The following PPA2 variants were observed in gnomAD, a reference collection of about 807,000 sequenced individuals.
PPA2 encodes the protein inorganic pyrophosphatase 2, mitochondrial.
A neutral mutation model predicts 49.5 loss-of-function variants in PPA2; 48 were observed. That is an observed-to-expected ratio of 0.97 (90% CI 0.77 to 1.23). The LOEUF is 1.23. Ranked by LOEUF, PPA2 falls within the 50% of genes most tolerant of loss-of-function variation. PPA2 has a pLI of 0.00. For synonymous variants in PPA2, 131 were observed against 139.9 expected, an observed-to-expected ratio of 0.94 and a Z score of 0.45; for missense variants, 429 against 410.1, an observed-to-expected ratio of 1.05 and a Z score of -0.40.
At chr4:105,389,368 C>A (rs1267019303) in intron 9 of PPA2, among the ~76,000 whole-genome samples, 2 of 150,030 alleles carry the variant, frequency 1.3e-5, no homozygotes, top group African/African-American at 4.9e-5. Context: ...ACTATTACTA[C>A]GACCTGCCAG....
rs575896250 is a variant in PPA2, at chr4:105,450,601, C to CTTTTTTTTTTTTTTTTT, written c.268-1215_268-1199dup. On this transcript the variant is annotated intron_variant, in intron 3 of 11. Transcript: ENST00000341695. ...ATGCTGGCCAGGCTGGTCTGGAATT[C>CTTTTTTTTTTTTTTTTT]TTTTTTTTTTTTTTTTTTTTTTTTG... 1.4e-3 allele frequency among the ~76,000 whole-genome samples: 115 copies of CTTTTTTTTTTTTTTTTT among 82,658 alleles called. 19 individuals carry two copies. The highest frequency in any genetic ancestry group is 1.9e-3 in the Non-Finnish European group (83 of 43,406). The allele number at this position is 82,658 out of a possible 152,430, so 54.2% of individuals were successfully genotyped here. A position where few individuals can be genotyped will look rare whatever the true frequency, so the allele number is the denominator to read the frequency against.
At chr4:105,372,078 T>C (rs1733049182) in intron 10 of PPA2, among the ~76,000 whole-genome samples, 2 of 152,160 alleles carry the variant, frequency 1.3e-5, no homozygotes, top group Admixed American at 6.5e-5. Context: ...AGCGTGGACC[T>C]GGGGAGATGT....
chr4:105,387,213 T>C (rs534396032), intron 9 of PPA2, among the ~76,000 whole-genome samples: 1 of 152,210 alleles, frequency 6.6e-6, no homozygotes, highest in Admixed American at 6.5e-5. Context: ...TCTAAAAGCA[T>C]GCTACTCATT....
intron 9 of PPA2, among the ~76,000 whole-genome samples, chr4:105,387,364 A>C (rs1733723957): frequency 6.6e-6 from 1 of 152,194 alleles, no homozygotes. Flanking sequence ...AAGCCAAATT[A>C]ACTTTTTTAA....
At chr4:105,423,365 T>C (rs1314926785) in intron 7 of PPA2, 1 of 152,154 alleles carries the variant, frequency 6.6e-6, no homozygotes, top group African/African-American at 2.4e-5. Flanking sequence ...AATCGAGGTT[T>C]ACAAGTAAAG....
intron 1 of PPA2, among the ~76,000 whole-genome samples, chr4:105,458,818 CAAAAAA>C (rs57073135): frequency 1.6e-4 from 5 of 31,512 alleles, no homozygotes; most frequent in South Asian, 1.4e-3. Context: ...ACTCCACCTC[CAAAAAA>C]AAAAAAAAAA....
intron 7 of PPA2, among the ~76,000 whole-genome samples, chr4:105,420,139 A>C (rs1355179225): frequency 6.6e-6 from 1 of 152,032 alleles, no homozygotes. Context: ...CACCCAGCTA[A>C]TTTTGTATTT....
intron 3 of PPA2, among the ~76,000 whole-genome samples, chr4:105,452,589 G>A (rs182478752): frequency 6.6e-6 from 1 of 152,296 alleles, no homozygotes; most frequent in African/African-American, 2.4e-5. Context: ...ACAGATAGCA[G>A]GCAAAGGTTG....
chr4:105,396,248 C>T lies in PPA2; in HGVS notation c.869+1G>A, dbSNP rs1295033479. On this transcript the variant is annotated splice_donor_variant, in intron 9 of 11. Coordinates refer to ENST00000341695, the MANE Select transcript of PPA2 (RefSeq NM_176869.3). LOFTEE classifies it high-confidence loss of function. ...CTTACATAGAAAAGACAAATTCTTA[C>T]CAATTTATAGCTCCTCCATTACACT... is the stretch of plus-strand genomic sequence containing the variant. The T allele has an allele frequency of 6.5e-7, 1 of 1,546,996 alleles. No homozygotes were observed. The highest frequency in any genetic ancestry group is 8.8e-7 in the Non-Finnish European group (1 of 1,138,636).
At chr4:105,451,753 T>C (rs1354951135) in intron 3 of PPA2, among the ~76,000 whole-genome samples, 1 of 152,186 alleles carries the variant, frequency 6.6e-6, no homozygotes, top group Non-Finnish European at 1.5e-5. Flanking sequence ...AAATGAACAA[T>C]AAATGAGGTT....
chr4:105,472,845 A>C (rs562020066), intron 1 of PPA2, among the ~76,000 whole-genome samples: 1 of 152,340 alleles, frequency 6.6e-6, no homozygotes, highest in South Asian at 2.1e-4. Context: ...AACAATAGTA[A>C]TTTATATTTT....
intron 7 of PPA2, among the ~76,000 whole-genome samples, chr4:105,411,416 A>G (rs1560618379): frequency 6.6e-6 from 1 of 152,132 alleles, no homozygotes; most frequent in Admixed American, 6.5e-5. Flanking sequence ...TAAAGCAAGT[A>G]CTTAGAGACC....
Position 105,456,559 on chromosome 4 carries a change from T to C in PPA2, c.222+122A>G, listed in dbSNP as rs1032365108. Reference sequence around the variant, plus strand: ...TAGGAGGCTTATGACCCTGTTATAGTAACTCCTGTTTGTCCTCCTGACTTC... The same window carrying C: ...TAGGAGGCTTATGACCCTGTTATAGCAACTCCTGTTTGTCCTCCTGACTTC... On this transcript the variant is annotated intron_variant, in intron 2 of 11. Coordinates refer to ENST00000341695, the MANE Select transcript of PPA2 (RefSeq NM_176869.3). 4 of 723,960 alleles carry C rather than the reference T, an allele frequency of 5.5e-6. No individual in the cohort carries two copies. In the Admixed American group the frequency reaches 8.3e-5, roughly 15 times the overall value. The allele number at this position is 723,960 out of a possible 1,614,324, so 44.8% of individuals were successfully genotyped here.
chr4:105,415,925 G>T (rs1401758158), intron 7 of PPA2, among the ~76,000 whole-genome samples: 1 of 152,218 alleles, frequency 6.6e-6, no homozygotes, highest in Non-Finnish European at 1.5e-5. Flanking sequence ...TTTAAAAATG[G>T]AGTGACAGGT....
intron 10 of PPA2, among the ~76,000 whole-genome samples, chr4:105,383,904 A>AG (rs1182462080): frequency 1.3e-5 from 2 of 151,458 alleles, no homozygotes; most frequent in Non-Finnish European, 2.9e-5. Flanking sequence ...TTAAAGGACA[A>AG]AAAAAAAACC....
chr4:105,393,519 A>G (rs1734011708), intron 9 of PPA2, among the ~76,000 whole-genome samples: 1 of 147,216 alleles, frequency 6.8e-6, no homozygotes, highest in Non-Finnish European at 1.5e-5. Flanking sequence ...TAATAATAAT[A>G]ATAATAATAA....
chr4:105,454,741 A>G (rs576086758), intron 2 of PPA2, among the ~76,000 whole-genome samples: 5 of 152,232 alleles, frequency 3.3e-5, no homozygotes, highest in African/African-American at 1.2e-4. Flanking sequence ...ATGCGTATCC[A>G]TTTCCATATC....
chr4:105,427,890 A>C (rs778526352), intron 6 of PPA2, among the ~76,000 whole-genome samples: 2 of 152,134 alleles, frequency 1.3e-5, no homozygotes, highest in Non-Finnish European at 2.9e-5. Flanking sequence ...CCCAACATAC[A>C]TAATTGTCAG....
intron 1 of PPA2, among the ~76,000 whole-genome samples, chr4:105,457,546 G>A (rs564939565): frequency 6.6e-6 from 1 of 152,062 alleles, no homozygotes; most frequent in Non-Finnish European, 1.5e-5. Context: ...ACAAAGACTG[G>A]CTAAATCCCA....
Sources: gnomAD v4.1 joint callset for allele counts (sites outside exome capture counted in the v4.1 genomes callset) on GRCh38, gnomAD v4.1.1 for gene constraint, MANE v1.5 for transcripts, NCBI Gene and HGNC (gene_info 2026-07-23, HGNC 2026-07-21) for gene names.